The following USP25 variants were observed in gnomAD, a reference collection of about 807,000 sequenced individuals.
The protein encoded by USP25 is ubiquitin carboxyl-terminal hydrolase 25.
USP25 carries 85 observed loss-of-function variants against 158.5 expected under a neutral mutation model. The ratio of observed to expected loss-of-function variants is 0.54; its 90% CI spans 0.45 to 0.64. The LOEUF (loss-of-function observed/expected upper bound fraction) is 0.64. Among genes scored for constraint, USP25 ranks in the 30% least tolerant of loss-of-function variants. USP25 has a pLI of 0.00. For missense variants in USP25, 1,242 were observed against 1,327.3 expected (o/e 0.94, Z 1.00); for synonymous variants, 464 against 460.4 (o/e 1.01, Z -0.10).
intron 20 of USP25, among the ~76,000 whole-genome samples, chr21:15,854,999 A>G (rs1601139589): frequency 6.6e-6 from 1 of 152,226 alleles, no homozygotes; most frequent in Admixed American, 6.5e-5. Context: ...AAAGCAATAC[A>G]AAGTTACTAT....
At chr21:15,732,516 A>T (rs1036714438) in intron 1 of USP25, among the ~76,000 whole-genome samples, 12 of 152,216 alleles carry the variant, frequency 7.9e-5, no homozygotes, top group Non-Finnish European at 1.8e-4. Context: ...TAGAAGAAAC[A>T]AAAGTGAAAG....
intron 1 of USP25, among the ~76,000 whole-genome samples, chr21:15,745,253 A>G (rs981676646): frequency 1.3e-5 from 2 of 151,624 alleles, no homozygotes; most frequent in Middle Eastern, 3.4e-3. Context: ...TTATTTCCCA[A>G]TTTCTTAGTT....
chr21:15,768,382 A>G (rs1156800451), intron 3 of USP25, among the ~76,000 whole-genome samples: 1 of 152,118 alleles, frequency 6.6e-6, no homozygotes, highest in Non-Finnish European at 1.5e-5. Flanking sequence ...CGTAACAGTA[A>G]TACTTTTCCA....
At chr21:15,788,300 A>C (rs1325886621) in intron 4 of USP25, among the ~76,000 whole-genome samples, 3 of 151,964 alleles carry the variant, frequency 2.0e-5, no homozygotes, top group Admixed American at 1.3e-4. Flanking sequence ...CTTTATAAAA[A>C]GTTTGGATTT....
At position 15,781,308 on chromosome 21, in the gene USP25, A is replaced by G. The variant is rs150227625; in HGVS notation, c.392+3281A>G. On this transcript the variant is annotated intron_variant, in intron 4 of 25. Transcript: ENST00000400183. ...GAGTTCCTTAATTTGTACTCTGTAT[A>G]CGATTGTGGATGTGATTCCATTTTG... Among the ~76,000 whole-genome samples the G allele has an allele frequency of 3.3e-3, 510 of 152,318 alleles. 3 individuals carry two copies. Among genetic ancestry groups the G allele is most frequent in the African/African-American group, 0.012 (487 of 41,582 alleles).
At chr21:15,851,503 TACACACAC>T (rs10595077) in intron 20 of USP25, among the ~76,000 whole-genome samples, 9 of 147,686 alleles carry the variant, frequency 6.1e-5, no homozygotes, top group Non-Finnish European at 1.1e-4. Context: ...CTATCCCCCA[TACACACAC>T]ACACACACAC....
chr21:15,878,332 T>G lies in USP25; in HGVS notation c.3235T>G (p.Leu1079Val), dbSNP rs1251694957. 1.2e-6 allele frequency: 2 copies of G among 1,612,380 alleles called. No homozygotes were observed. Among genetic ancestry groups the G allele is most frequent in the East Asian group, 2.2e-5 (1 of 44,804 alleles). Residue 1079 changes from leucine (L) to valine (V), a missense_variant, in exon 26 of 26, where the codon TTG becomes GTG. Leu to Val is a conservative substitution (Grantham distance 32, BLOSUM62 1). Transcript: ENST00000400183. Reference sequence around the variant, plus strand: ...CCTCCAAGAAAAGCTGACAGATTTTTTGCCAAAACTGCTTGATTGTTCTAT... The same window carrying G: ...CCTCCAAGAAAAGCTGACAGATTTTGTGCCAAAACTGCTTGATTGTTCTAT... ...PHLQEKLTDF[L>V]PKLLDCSMEI...
intron 20 of USP25, among the ~76,000 whole-genome samples, chr21:15,854,486 C>T (rs995475304): frequency 6.6e-6 from 1 of 151,916 alleles, no homozygotes; most frequent in African/African-American, 2.4e-5. Context: ...CCTGCCACGT[C>T]CTGAAAAAAT....
At chr21:15,831,835 G>C (rs943203719) in intron 16 of USP25, among the ~76,000 whole-genome samples, 1 of 152,156 alleles carries the variant, frequency 6.6e-6, no homozygotes, top group Non-Finnish European at 1.5e-5. Context: ...ACTATTAAAG[G>C]TAAATATGAC....
chr21:15,859,623 C>G (rs2039328432), intron 20 of USP25, among the ~76,000 whole-genome samples: 1 of 152,126 alleles, frequency 6.6e-6, no homozygotes, highest in Non-Finnish European at 1.5e-5. Flanking sequence ...TACCAGATTT[C>G]TAGGGCAAAC....
chr21:15,737,846 C>T (rs142412798), intron 1 of USP25, among the ~76,000 whole-genome samples: 107 of 148,660 alleles, frequency 7.2e-4, no homozygotes, highest in Non-Finnish European at 1.0e-3. Context: ...TTTTTTTTTC[C>T]CTTCAGATTT....
intron 1 of USP25, among the ~76,000 whole-genome samples, chr21:15,753,547 C>T (rs1056212095): frequency 6.6e-6 from 1 of 152,092 alleles, no homozygotes; most frequent in Non-Finnish European, 1.5e-5. Context: ...AGGACCAGAA[C>T]TGGGAAATTC....
chr21:15,732,691 A>G (rs2031046925), intron 1 of USP25, among the ~76,000 whole-genome samples: 2 of 152,298 alleles, frequency 1.3e-5, no homozygotes, highest in East Asian at 1.9e-4. Context: ...AGTATTTACT[A>G]TTTAGCTATA....
intron 4 of USP25, among the ~76,000 whole-genome samples, chr21:15,780,644 A>G (rs1458176238): frequency 7.2e-5 from 11 of 152,204 alleles, no homozygotes; most frequent in Non-Finnish European, 1.6e-4. Flanking sequence ...CTGTGTTTCA[A>G]CTAGTTATTT....
intron 14 of USP25, among the ~76,000 whole-genome samples, chr21:15,829,067 C>T (rs540618277): frequency 2.8e-4 from 43 of 152,254 alleles, no homozygotes; most frequent in African/African-American, 9.1e-4. Context: ...AATATTCCAA[C>T]ACACGGGTAT....
At chr21:15,812,153 T>TTA (rs1002965627) in intron 9 of USP25, among the ~76,000 whole-genome samples, 6 of 150,612 alleles carry the variant, frequency 4.0e-5, no homozygotes, top group Admixed American at 1.3e-4. Context: ...ATATATAAGT[T>TTA]TATATATATA....
chr21:15,805,956 A>G (rs193106084), intron 7 of USP25, among the ~76,000 whole-genome samples: 2 of 152,314 alleles, frequency 1.3e-5, no homozygotes, highest in Admixed American at 1.3e-4. Flanking sequence ...TTTGTGATGT[A>G]TGGAGAGGGC....
At chr21:15,863,657 A>G (rs1293508763) in intron 20 of USP25, among the ~76,000 whole-genome samples, 1 of 152,242 alleles carries the variant, frequency 6.6e-6, no homozygotes, top group East Asian at 1.9e-4. Flanking sequence ...TAAATTTTAC[A>G]GAATTACTCA....
intron 14 of USP25, among the ~76,000 whole-genome samples, chr21:15,828,509 TTCTC>T (rs1160276158): frequency 6.6e-6 from 1 of 152,196 alleles, no homozygotes; most frequent in Admixed American, 6.5e-5. Context: ...AATCGAATGA[TTCTC>T]TCAGTTCATA....
Sources: allele counts gnomAD v4.1 joint callset (sites outside exome capture counted in the v4.1 genomes callset), GRCh38; gene constraint gnomAD v4.1.1; transcripts MANE v1.5; gene names NCBI Gene and HGNC (gene_info 2026-07-23, HGNC 2026-07-21).